The following KL variants were observed in gnomAD, a reference collection of about 807,000 sequenced individuals.
KL encodes the protein alpha-klotho.
KL carries 62 observed loss-of-function variants against 84.2 expected under a neutral mutation model. The observed-to-expected ratio is 0.74, with a 90% CI of 0.60 to 0.91. KL has a LOEUF of 0.91. Among genes scored for constraint, KL ranks in the 40% least tolerant of loss-of-function variants. The pLI is 0.00. For missense variants in KL, 1,261 were observed against 1,305.7 expected (o/e 0.97, Z 0.53); for synonymous variants, 528 against 528.0 (o/e 1.00, Z 0.00).
intron 1 of KL, among the ~76,000 whole-genome samples, chr13:33,049,857 T>C (rs1390013104): frequency 6.6e-6 from 1 of 152,182 alleles, no homozygotes; most frequent in African/African-American, 2.4e-5. Context: ...ATGTTTATGG[T>C]AGGAAATGAA....
At chr13:33,062,361 C>G (rs1003932527) in intron 4 of KL, among the ~76,000 whole-genome samples, 1 of 147,372 alleles carries the variant, frequency 6.8e-6, no homozygotes, top group Admixed American at 6.8e-5. Context: ...GCCTGGGTGA[C>G]AGAGCAAGAC....
chr13:33,043,854 C>A (rs1056544791), intron 1 of KL, among the ~76,000 whole-genome samples: 1 of 152,140 alleles, frequency 6.6e-6, no homozygotes, highest in African/African-American at 2.4e-5. Flanking sequence ...AAAGGCAAAT[C>A]ACATACTGAG....
rs387907444 is a variant in KL, at chr13:33,016,937, A to G, written c.497A>G (p.Asn166Ser). 15 of 1,608,570 alleles carry G rather than the reference A, an allele frequency of 9.3e-6. No homozygotes were observed. Among genetic ancestry groups the G allele is most frequent in the Middle Eastern group, 1.7e-4 (1 of 6,046 alleles). The change falls in exon 1 of 5, where the codon AAC (asparagine) becomes AGC (serine). Residue 166 changes from asparagine to serine, a missense_variant. Asn to Ser is a conservative substitution (Grantham distance 46). Coordinates refer to ENST00000380099, the MANE Select transcript of KL (RefSeq NM_004795.4). ...CCCAATGGCAGCGCGGGCGTCCCCA[A>G]CCGCGAGGGGCTGCGCTACTACCGG... Reference protein sequence around the residue: ...VLPNGSAGVPNREGLRYYRRL... With the variant: ...VLPNGSAGVPSREGLRYYRRL...
rs374337653 is a variant in KL, at chr13:33,053,736, G to A, written c.820-31G>A. ...TATTGCATTTCTCCTCACAACTAGA[G>A]ATAAATTTGCCATGGTTTTTCTCTT... On this transcript the variant is annotated intron_variant, in intron 1 of 4. Transcript: ENST00000380099. 707 of 1,610,070 alleles carry A rather than the reference G, an allele frequency of 4.4e-4. 1 individual carries two copies. Among genetic ancestry groups the A allele is most frequent in the Non-Finnish European group, 5.7e-4 (666 of 1,176,532 alleles).
chr13:33,031,612 AC>A (rs1870975792), intron 1 of KL, among the ~76,000 whole-genome samples: 1 of 152,222 alleles, frequency 6.6e-6, no homozygotes, highest in Admixed American at 6.5e-5. Flanking sequence ...ATAAGAACAG[AC>A]ATTTCGGAAA....
Position 33,060,895 on chromosome 13 carries a change from G to A in KL, c.1816G>A (p.Gly606Ser), listed in dbSNP as rs1230547172. ...SLDWALILPL[G>S]NQSQVNHTIL... Reference sequence around the variant, plus strand: ...GGACTGGGCCCTGATTCTCCCTCTGGGTAACCAGTCCCAGGTGAACCACAC... The same window carrying A: ...GGACTGGGCCCTGATTCTCCCTCTGAGTAACCAGTCCCAGGTGAACCACAC... Residue 606 changes from glycine to serine, a missense_variant, in exon 4 of 5, where the codon GGT becomes AGT. Gly to Ser is a moderately conservative substitution (Grantham distance 56). Coordinates refer to ENST00000380099, the MANE Select transcript of KL (RefSeq NM_004795.4). 2 of 1,614,156 alleles carry A rather than the reference G, an allele frequency of 1.2e-6. No individual in the cohort carries two copies. The highest frequency in any genetic ancestry group is 1.7e-6 in the Non-Finnish European group (2 of 1,180,012).
At chr13:33,042,631 G>A (rs1292865046) in intron 1 of KL, among the ~76,000 whole-genome samples, 1 of 152,106 alleles carries the variant, frequency 6.6e-6, no homozygotes, top group African/African-American at 2.4e-5. Flanking sequence ...CCTGTGAATG[G>A]ACATTTGTGT....
intron 1 of KL, among the ~76,000 whole-genome samples, chr13:33,028,399 A>G (rs1870855904): frequency 6.6e-6 from 1 of 152,220 alleles, no homozygotes; most frequent in Non-Finnish European, 1.5e-5. Context: ...CCCAAAAAAT[A>G]AATCTTCCAT....
intron 1 of KL, among the ~76,000 whole-genome samples, chr13:33,040,992 C>T (rs1300155338): frequency 6.6e-6 from 1 of 152,094 alleles, no homozygotes; most frequent in Non-Finnish European, 1.5e-5. Context: ...CTTTTTTGGT[C>T]CAAACCATCA....
chr13:33,040,665 A>G (rs1057465748), intron 1 of KL, among the ~76,000 whole-genome samples: 1 of 152,214 alleles, frequency 6.6e-6, no homozygotes, highest in Non-Finnish European at 1.5e-5. Flanking sequence ...TAAAAAATCT[A>G]ATGAATGATA....
chr13:33,052,172 G>C (rs1871780086), intron 1 of KL, among the ~76,000 whole-genome samples: 1 of 152,172 alleles, frequency 6.6e-6, no homozygotes, highest in Admixed American at 6.5e-5. Context: ...GCGCAGGCTA[G>C]TTGTGAACTC....
In KL at chr13:33,064,383, G is replaced by A; in HGVS notation, c.*197G>A. 1.9e-6 allele frequency: 1 copy of A among 517,392 alleles called. No homozygotes were observed. Among genetic ancestry groups the A allele is most frequent in the South Asian group, 2.4e-5 (1 of 40,858 alleles). 32.1% of individuals were successfully genotyped at this position (517,392 alleles called of 1,614,324 possible). On this transcript the variant is annotated 3_prime_UTR_variant, in exon 5 of 5. Coordinates refer to ENST00000380099, the MANE Select transcript of KL (RefSeq NM_004795.4). ...ATATTGAATAATGCGAATAGTGCCTGAATTTGTTCTCTTTTTGGGTGATTA... is the reference window on the plus strand; with the variant it reads ...ATATTGAATAATGCGAATAGTGCCTAAATTTGTTCTCTTTTTGGGTGATTA...
intron 1 of KL, among the ~76,000 whole-genome samples, chr13:33,040,096 G>A (rs901668459): frequency 6.6e-6 from 1 of 152,166 alleles, no homozygotes; most frequent in African/African-American, 2.4e-5. Flanking sequence ...TGCACACAGA[G>A]ACTACTGGCT....
chr13:33,054,801 G>A (rs549286146), intron 2 of KL, among the ~76,000 whole-genome samples: 5 of 152,078 alleles, frequency 3.3e-5, no homozygotes, highest in African/African-American at 9.7e-5. Flanking sequence ...TATAAATAAG[G>A]AACTATTTTT....
intron 1 of KL, among the ~76,000 whole-genome samples, chr13:33,020,306 C>A (rs756568669): frequency 4.6e-5 from 7 of 152,158 alleles, no homozygotes; most frequent in Non-Finnish European, 7.4e-5. Flanking sequence ...CTCTCCCTTG[C>A]TTCTCCTCTC....
intron 1 of KL, among the ~76,000 whole-genome samples, chr13:33,053,087 T>C (rs1023909041): frequency 6.6e-6 from 1 of 152,204 alleles, no homozygotes; most frequent in Non-Finnish European, 1.5e-5. Context: ...GACAACTGAT[T>C]TCCTTGCAGC....
At chr13:33,034,202 T>C (rs1020768414) in intron 1 of KL, among the ~76,000 whole-genome samples, 18 of 152,238 alleles carry the variant, frequency 1.2e-4, no homozygotes, top group African/African-American at 4.3e-4. Flanking sequence ...AGGGAGACTG[T>C]ACAGAAAATT....
At chr13:33,049,056 C>T (rs867351882) in intron 1 of KL, among the ~76,000 whole-genome samples, 1 of 152,096 alleles carries the variant, frequency 6.6e-6, no homozygotes, top group East Asian at 1.9e-4. Context: ...GCAAGGAGGG[C>T]ATCACATACG....
chr13:33,062,222 T>A lies in KL; in HGVS notation c.2701+442T>A, dbSNP rs543180755. On this transcript the variant is annotated intron_variant, in intron 4 of 4. Transcript: ENST00000380099. ...AGTGAGACCTTGTCTCTACTAAAAA[T>A]CACAAAAATTAGCTGGGCACGGTGG... Among the ~76,000 whole-genome samples the A allele has an allele frequency of 2.0e-5, 3 of 151,880 alleles. No individual in the cohort carries two copies. In the East Asian group the frequency reaches 5.8e-4, roughly 29 times the overall value.
Sources: allele counts gnomAD v4.1 joint callset (sites outside exome capture counted in the v4.1 genomes callset), GRCh38; gene constraint gnomAD v4.1.1; transcripts MANE v1.5; gene names NCBI Gene and HGNC (gene_info 2026-07-23, HGNC 2026-07-21).